NTRK3: variants seen among roughly 807,000 people sequenced by gnomAD.
NTRK3 encodes the protein NT-3 growth factor receptor.
In NTRK3, 24 loss-of-function variants were observed where a neutral mutation model predicts 91.7. The ratio of observed to expected loss-of-function variants is 0.26; its 90% CI spans 0.19 to 0.37. NTRK3 has a LOEUF of 0.37. Among genes scored for constraint, NTRK3 ranks in the 10% least tolerant of loss-of-function variants. NTRK3 has a pLI of 1.00. For synonymous variants in NTRK3, 483 were observed against 404.0 expected (o/e 1.20, Z -2.34); for missense variants, 880 against 1,068.9 (o/e 0.82, Z 2.46).
At chr15:88,060,724 T>C (rs1285111846) in intron 13 of NTRK3, among the ~76,000 whole-genome samples, 1 of 152,090 alleles carries the variant, frequency 6.6e-6, no homozygotes, top group African/African-American at 2.4e-5. Context: ...GAACAGACCA[T>C]GGGTTGGGGT....
intron 3 of NTRK3, among the ~76,000 whole-genome samples, chr15:88,245,021 G>A (rs2052689105): frequency 6.6e-6 from 1 of 152,194 alleles, no homozygotes; most frequent in African/African-American, 2.4e-5. Context: ...TCTGACACTT[G>A]GTATTCCAAA....
At chr15:87,937,100 A>C (rs1157716454) in intron 15 of NTRK3, among the ~76,000 whole-genome samples, 2 of 152,172 alleles carry the variant, frequency 1.3e-5, no homozygotes, top group African/African-American at 4.8e-5. Context: ...CTGTGTCTAC[A>C]TGACAGCCCA....
intron 13 of NTRK3, among the ~76,000 whole-genome samples, chr15:88,071,625 G>T (rs981908882): frequency 6.6e-6 from 1 of 152,226 alleles, no homozygotes; most frequent in Non-Finnish European, 1.5e-5. Flanking sequence ...TCTGAGCAGT[G>T]GGCCTAAGAG....
intron 14 of NTRK3, among the ~76,000 whole-genome samples, chr15:87,947,864 G>T (rs952486699): frequency 6.6e-6 from 1 of 152,104 alleles, no homozygotes; most frequent in Non-Finnish European, 1.5e-5. Context: ...AAATGGAAAA[G>T]AATAACATTC....
chr15:88,050,415 T>C (rs1294318216), intron 13 of NTRK3, among the ~76,000 whole-genome samples: 2 of 152,158 alleles, frequency 1.3e-5, no homozygotes, highest in African/African-American at 4.8e-5. Context: ...ATATGGAATG[T>C]TTTCTACTTC....
At chr15:88,057,477 G>T (rs930162806) in intron 13 of NTRK3, among the ~76,000 whole-genome samples, 6 of 150,764 alleles carry the variant, frequency 4.0e-5, no homozygotes, top group African/African-American at 7.3e-5. Flanking sequence ...CAGCCTGGGA[G>T]ACAGAGCGAG....
intron 14 of NTRK3, among the ~76,000 whole-genome samples, chr15:88,023,683 C>T (rs867264080): frequency 6.6e-6 from 1 of 152,256 alleles, no homozygotes; most frequent in Middle Eastern, 3.4e-3. Context: ...AGCCTGCCTC[C>T]TAAAACAACC....
chr15:88,049,686 G>A (rs1001568885), intron 13 of NTRK3, among the ~76,000 whole-genome samples: 1 of 152,200 alleles, frequency 6.6e-6, no homozygotes, highest in Non-Finnish European at 1.5e-5. Flanking sequence ...ATATGCAAAT[G>A]TGTGAATCAG....
At chr15:88,015,039 G>A (rs1193340472) in intron 14 of NTRK3, among the ~76,000 whole-genome samples, 3 of 152,174 alleles carry the variant, frequency 2.0e-5, no homozygotes, top group Admixed American at 2.0e-4. Flanking sequence ...TCTACATAAC[G>A]TTCCCTGTGC....
chr15:88,068,776 G>A (rs527315278), intron 13 of NTRK3, among the ~76,000 whole-genome samples: 15 of 152,196 alleles, frequency 9.9e-5, no homozygotes, highest in African/African-American at 3.6e-4. Context: ...AGAGCAAGAA[G>A]GGCAAGGAGG....
chr15:88,052,763 A>C (rs572564791), intron 13 of NTRK3, among the ~76,000 whole-genome samples: 8 of 152,334 alleles, frequency 5.3e-5, no homozygotes, highest in African/African-American at 1.9e-4. Context: ...GTATAGGTGC[A>C]GAAGTTTGCT....
chr15:88,125,418 C>A (rs1169660629), intron 13 of NTRK3, among the ~76,000 whole-genome samples: 1 of 152,164 alleles, frequency 6.6e-6, no homozygotes, highest in Non-Finnish European at 1.5e-5. Context: ...CAGATAACAC[C>A]AACCTGAGTC....
At chr15:88,088,848 C>T (rs1011679893) in intron 13 of NTRK3, among the ~76,000 whole-genome samples, 1 of 152,138 alleles carries the variant, frequency 6.6e-6, no homozygotes, top group African/African-American at 2.4e-5. Flanking sequence ...CTTCCCCGTT[C>T]TCCAGCTGTG....
At chr15:88,041,140 G>C (rs1013021207) in intron 13 of NTRK3, among the ~76,000 whole-genome samples, 4 of 152,198 alleles carry the variant, frequency 2.6e-5, no homozygotes, top group African/African-American at 9.6e-5. Flanking sequence ...GCTCCCCTGT[G>C]ATTGGGGCTA....
At chr15:88,242,056 G>A (rs1051998746) in intron 3 of NTRK3, among the ~76,000 whole-genome samples, 2 of 152,178 alleles carry the variant, frequency 1.3e-5, no homozygotes, top group South Asian at 2.1e-4. Context: ...ATAGAGAAAC[G>A]AATGAACGGT....
intron 13 of NTRK3, among the ~76,000 whole-genome samples, chr15:88,101,327 A>C (rs1216935717): frequency 6.6e-6 from 1 of 152,236 alleles, no homozygotes; most frequent in Non-Finnish European, 1.5e-5. Context: ...ATGCCATCTC[A>C]CACCAGTTAG....
chr15:87,986,706 G>C (rs182014679), intron 14 of NTRK3, among the ~76,000 whole-genome samples: 3 of 152,242 alleles, frequency 2.0e-5, no homozygotes, highest in African/African-American at 4.8e-5. Flanking sequence ...TCTATCTTTT[G>C]ATTATTCCAA....
At chr15:88,088,785 C>G (rs1210661603) in intron 13 of NTRK3, among the ~76,000 whole-genome samples, 2 of 152,000 alleles carry the variant, frequency 1.3e-5, no homozygotes, top group African/African-American at 4.8e-5. Context: ...CTTGGAAGGC[C>G]CTATAGCTGG....
At chr15:88,122,869 T>C (rs1206460634) in intron 13 of NTRK3, among the ~76,000 whole-genome samples, 1 of 152,224 alleles carries the variant, frequency 6.6e-6, no homozygotes, top group Non-Finnish European at 1.5e-5. Context: ...AAGTCATTCA[T>C]TTCTAAATTC....
Sources: gnomAD v4.1 joint callset for allele counts (sites outside exome capture counted in the v4.1 genomes callset) on GRCh38, gnomAD v4.1.1 for gene constraint, MANE v1.5 for transcripts, NCBI Gene and HGNC (gene_info 2026-07-23, HGNC 2026-07-21) for gene names.